Variants in ADCY9 observed in about 807,000 individuals in gnomAD.
The protein encoded by ADCY9 is adenylate cyclase 9, also known as adenylate cyclase type 9.
In ADCY9, 50 loss-of-function variants were observed where a neutral mutation model predicts 101.5. The ratio of observed to expected loss-of-function variants is 0.49; its 90% CI spans 0.39 to 0.62. ADCY9 has a LOEUF of 0.62. ADCY9 is among the 20% of genes least tolerant of loss of function. The pLI, the probability that ADCY9 is intolerant of heterozygous loss-of-function variation, is 0.00. For missense variants in ADCY9, 1,662 were observed against 1,800.4 expected (o/e 0.92, Z 1.39); for synonymous variants, 905 against 769.3 (o/e 1.18, Z -2.92).
Position 3,965,717 on chromosome 16 carries a change from T to C in ADCY9, c.*58A>G. 1 of 1,512,858 alleles carries C rather than the reference T, an allele frequency of 6.6e-7. No individual in the cohort carries two copies. Among genetic ancestry groups the C allele is most frequent in the African/African-American group, 1.4e-5 (1 of 72,374 alleles). The allele number at this position is 1,512,858 out of a possible 1,614,324, so 93.7% of individuals were successfully genotyped here. On this transcript the variant is annotated 3_prime_UTR_variant, in exon 11 of 11. Coordinates refer to ENST00000294016, the MANE Select transcript of ADCY9 (RefSeq NM_001116.4). ...GCGCTTGGAAAGCACAACAGCCAAA[T>C]ACAAATATTACTGTGTTTCGACAAA... is the stretch of plus-strand genomic sequence containing the variant.
At position 3,966,547 on chromosome 16, in the gene ADCY9, C is replaced by T. The variant is rs768112417; in HGVS notation, c.3290G>A (p.Ser1097Asn). Residue 1097 changes from serine to asparagine, a missense_variant, in exon 11 of 11, where the codon AGC becomes AAC. Ser to Asn is a conservative substitution (Grantham distance 46). Transcript: ENST00000294016. ...CTCGATGCTGCTGTAGTCCGGCTTG[C>T]TTAGGAGCTCGTCAAAGTCCCCGAT... ...ELIGDFDELL[S>N]KPDYSSIEKI... is the part of the protein sequence containing the mutation. The T allele has an allele frequency of 6.2e-7, 1 of 1,614,160 alleles. No homozygotes were observed. The highest frequency in any genetic ancestry group is 1.1e-5 in the South Asian group (1 of 91,082).
rs1051320653 is a variant in ADCY9 at position 4,001,910 on chromosome 16, G to A, written c.1884+5458C>T. ...ACTACAGGCACCAGCCACCACACCC[G>A]GCTAATTTTTAAATTTTTAGTAGAC... On this transcript the variant is annotated intron_variant, in intron 3 of 10. Transcript: ENST00000294016. Among the ~76,000 whole-genome samples the A allele has an allele frequency of 1.4e-4, 22 of 151,930 alleles. 1 individual carries two copies. Among genetic ancestry groups the A allele is most frequent in the Admixed American group, 9.8e-4 (15 of 15,240 alleles).
intron 2 of ADCY9, among the ~76,000 whole-genome samples, chr16:4,043,198 T>C (rs1164373762): frequency 3.9e-5 from 6 of 152,084 alleles, no homozygotes; most frequent in Non-Finnish European, 7.4e-5. Context: ...GCCACTGCAC[T>C]CCAGCCTGGG....
At chr16:4,089,354 A>G (rs1006764957) in intron 2 of ADCY9, among the ~76,000 whole-genome samples, 5 of 152,054 alleles carry the variant, frequency 3.3e-5, no homozygotes, top group Non-Finnish European at 5.9e-5. Flanking sequence ...GCATGTTTTC[A>G]GTATTCGTCC....
intron 5 of ADCY9, among the ~76,000 whole-genome samples, chr16:3,989,835 G>A (rs935593789): frequency 3.2e-4 from 49 of 152,152 alleles, no homozygotes; most frequent in African/African-American, 9.2e-4. Context: ...CAGAACCGGC[G>A]GTCCTGTCAT....
chr16:4,027,614 C>T (rs550826708), intron 2 of ADCY9, among the ~76,000 whole-genome samples: 2 of 152,254 alleles, frequency 1.3e-5, no homozygotes, highest in East Asian at 1.9e-4. Context: ...TGGTGGCTCA[C>T]GCCTGTAATC....
intron 6 of ADCY9, among the ~76,000 whole-genome samples, chr16:3,987,242 A>G (rs1316667847): frequency 6.6e-6 from 1 of 152,128 alleles, no homozygotes; most frequent in Non-Finnish European, 1.5e-5. Context: ...TGTTGTTTCT[A>G]ATTCCTGCTC....
chr16:3,954,551 A>G (rs995698547), intron 5 of ADCY9, among the ~76,000 whole-genome samples: 4 of 152,128 alleles, frequency 2.6e-5, no homozygotes, highest in African/African-American at 9.7e-5. Context: ...AATGGCTAGG[A>G]GTGTCTCCCT....
chr16:4,027,469 T>C lies in ADCY9; in HGVS notation c.1694-19911A>G, dbSNP rs191190078. On this transcript the variant is annotated intron_variant, in intron 2 of 10. Coordinates refer to ENST00000294016, the MANE Select transcript of ADCY9 (RefSeq NM_001116.4). ...AGGAAAGGTTTAACTGGCTTGCAGT[T>C]CCCCATGGCTAGGGAGGCCTCACAA... 2.1e-3 allele frequency among the ~76,000 whole-genome samples: 317 copies of C among 152,270 alleles called. 4 individuals are homozygous for C. Among genetic ancestry groups the C allele is most frequent in the African/African-American group, 7.5e-3 (310 of 41,556 alleles).
chr16:3,969,782 T>G (rs1195369016), intron 10 of ADCY9, among the ~76,000 whole-genome samples: 3 of 150,432 alleles, frequency 2.0e-5, no homozygotes, highest in Non-Finnish European at 3.0e-5. Context: ...ACCTGGCTAA[T>G]TTTTTGAACT....
At chr16:4,087,699 A>T (rs1470376700) in intron 2 of ADCY9, among the ~76,000 whole-genome samples, 4 of 151,804 alleles carry the variant, frequency 2.6e-5, no homozygotes, top group South Asian at 2.1e-4. Flanking sequence ...CAGATACTAC[A>T]GTCCTGAAGC....
chr16:3,967,722 G>C (rs1382276394), intron 10 of ADCY9, among the ~76,000 whole-genome samples: 2 of 121,156 alleles, frequency 1.7e-5, no homozygotes, highest in East Asian at 5.0e-4. Context: ...TTTTAAGATT[G>C]AGTCTTGCTC....
At chr16:3,967,493 C>G (rs1257246371) in intron 10 of ADCY9, among the ~76,000 whole-genome samples, 1 of 151,724 alleles carries the variant, frequency 6.6e-6, no homozygotes, top group Non-Finnish European at 1.5e-5. Flanking sequence ...TGGGCTCAAA[C>G]GATCCTCCTG....
intron 2 of ADCY9, among the ~76,000 whole-genome samples, chr16:4,096,122 C>T (rs940708782): frequency 6.6e-6 from 1 of 152,022 alleles, no homozygotes; most frequent in African/African-American, 2.4e-5. Context: ...AGTAAAGAAT[C>T]TTTTATGAAG....
chr16:4,014,965 A>G (rs1362882811), intron 2 of ADCY9, among the ~76,000 whole-genome samples: 1 of 89,634 alleles, frequency 1.1e-5, no homozygotes, highest in African/African-American at 4.9e-5. Flanking sequence ...TTTTTGAGAC[A>G]GAGTCTCGCT....
At chr16:4,030,328 T>C (rs77632684) in intron 2 of ADCY9, among the ~76,000 whole-genome samples, 1 of 151,826 alleles carries the variant, frequency 6.6e-6, no homozygotes, top group East Asian at 1.9e-4. Context: ...GCAGTGACGA[T>C]GAAGGAACCC....
chr16:3,981,106 G>A (rs1264888417), intron 7 of ADCY9, among the ~76,000 whole-genome samples: 2 of 152,178 alleles, frequency 1.3e-5, no homozygotes, highest in Non-Finnish European at 2.9e-5. Context: ...CAGGGTCTGG[G>A]CCTCTCCCAG....
chr16:4,034,857 C>G (rs1237444741), intron 2 of ADCY9, among the ~76,000 whole-genome samples: 2 of 152,138 alleles, frequency 1.3e-5, no homozygotes, highest in African/African-American at 2.4e-5. Context: ...TGGACCTTGC[C>G]GGCTGGAAGC....
rs191994420 is a variant in ADCY9, at chr16:4,077,639, A to G, written c.1693+36111T>C. 3.7e-3 allele frequency among the ~76,000 whole-genome samples: 561 copies of G among 152,278 alleles called. 3 individuals carry two copies. The highest frequency in any genetic ancestry group is 6.7e-3 in the Non-Finnish European group (455 of 68,012). ...TTTTTAAAATGAGATATAAAAACTG[A>G]AAAGGAGGGGATTTTAAATTTATAT... On this transcript the variant is annotated intron_variant, in intron 2 of 10. Coordinates refer to ENST00000294016, the MANE Select transcript of ADCY9 (RefSeq NM_001116.4).
Sources: allele counts gnomAD v4.1 joint callset (sites outside exome capture counted in the v4.1 genomes callset), GRCh38; gene constraint gnomAD v4.1.1; transcripts MANE v1.5; gene names NCBI Gene and HGNC (gene_info 2026-07-23, HGNC 2026-07-21).